The following KCNH7 variants were observed in gnomAD, a reference collection of about 807,000 sequenced individuals.
KCNH7 encodes the protein potassium voltage-gated channel subfamily H member 7.
In KCNH7, 49 loss-of-function variants were observed where a neutral mutation model predicts 120.8. That is an observed-to-expected ratio of 0.41 (90% CI 0.32 to 0.51). The LOEUF (loss-of-function observed/expected upper bound fraction) is 0.51, where lower values mean the gene tolerates loss of function less well. Among genes scored for constraint, KCNH7 ranks in the 20% least tolerant of loss-of-function variants. KCNH7 has a pLI of 0.38. For missense variants in KCNH7, 1,097 were observed against 1,446.6 expected (o/e 0.76, Z 3.92); for synonymous variants, 547 against 516.1 (o/e 1.06, Z -0.81).
At chr2:162,664,642 GA>G (rs1685074005) in intron 2 of KCNH7, among the ~76,000 whole-genome samples, 1 of 152,084 alleles carries the variant, frequency 6.6e-6, no homozygotes, top group African/African-American at 2.4e-5. Flanking sequence ...AAATATCGTA[GA>G]TTACAATAAT....
chr2:162,613,542 T>C lies in KCNH7; in HGVS notation c.308-76462A>G, dbSNP rs146531552. Among the ~76,000 whole-genome samples, 95 of 152,130 alleles carry C rather than the reference T, an allele frequency of 6.2e-4. No homozygotes were observed. In the East Asian group the frequency reaches 9.3e-3, roughly 15 times the overall value. The stretch of plus-strand genomic sequence containing the variant: ...AAGCTTTTCATCAAAATTTACACTT[T>C]AATTGTCATTATTTTTTGTTTCTAA... On this transcript the variant is annotated intron_variant, in intron 2 of 15. Coordinates refer to ENST00000332142, the MANE Select transcript of KCNH7 (RefSeq NM_033272.4).
chr2:162,490,387 T>C (rs1178243761), intron 6 of KCNH7, among the ~76,000 whole-genome samples: 3 of 152,188 alleles, frequency 2.0e-5, no homozygotes, highest in African/African-American at 4.8e-5. Context: ...TGCTGAGAGC[T>C]TTCCTTTCAC....
intron 6 of KCNH7, among the ~76,000 whole-genome samples, chr2:162,470,619 G>A (rs1689486366): frequency 6.6e-6 from 1 of 151,282 alleles, no homozygotes; most frequent in Admixed American, 6.6e-5. Context: ...CCGGGAGGGA[G>A]GTGGGGGGGT....
intron 6 of KCNH7, among the ~76,000 whole-genome samples, chr2:162,469,366 T>C (rs1689417884): frequency 1.3e-5 from 2 of 152,190 alleles, no homozygotes; most frequent in Admixed American, 1.3e-4. Context: ...AGAGATGTCC[T>C]TGAACTCAAG....
chr2:162,752,908 GAA>G (rs1372062656), intron 2 of KCNH7, among the ~76,000 whole-genome samples: 37 of 35,904 alleles, frequency 1.0e-3, no homozygotes, highest in African/African-American at 4.4e-3. Context: ...CTCAGAAAAA[GAA>G]AAGAAAAGAA....
chr2:162,677,349 A>G (rs1271698287), intron 2 of KCNH7, among the ~76,000 whole-genome samples: 3 of 151,506 alleles, frequency 2.0e-5, no homozygotes, highest in Admixed American at 1.3e-4. Context: ...CAAAATGAAT[A>G]TATCTATTTT....
chr2:162,450,755 G>C (rs189640481), intron 6 of KCNH7, among the ~76,000 whole-genome samples: 1 of 152,130 alleles, frequency 6.6e-6, no homozygotes, highest in East Asian at 1.9e-4. Context: ...AGGTGGCCAA[G>C]TTTGGTTTTT....
At chr2:162,608,100 TGTATGTTTACAAA>T (rs1159386408) in intron 2 of KCNH7, among the ~76,000 whole-genome samples, 4 of 152,176 alleles carry the variant, frequency 2.6e-5, no homozygotes, top group South Asian at 4.1e-4. Context: ...ACTTGGACTT[TGTATGTTTACAAA>T]GTATGTTTAC....
chr2:162,739,025 C>G (rs978439513), intron 2 of KCNH7, among the ~76,000 whole-genome samples: 1 of 152,172 alleles, frequency 6.6e-6, no homozygotes, highest in South Asian at 2.1e-4. Flanking sequence ...CTAATCACAA[C>G]CTGTGCGGGA....
At chr2:162,645,204 G>C (rs546940433) in intron 2 of KCNH7, among the ~76,000 whole-genome samples, 64 of 152,184 alleles carry the variant, frequency 4.2e-4, no homozygotes, top group African/African-American at 1.5e-3. Flanking sequence ...CTGGAGTGCA[G>C]TGGCGTGATC....
intron 3 of KCNH7, among the ~76,000 whole-genome samples, chr2:162,527,557 T>A (rs1022972632): frequency 6.6e-6 from 1 of 152,006 alleles, no homozygotes; most frequent in Non-Finnish European, 1.5e-5. Flanking sequence ...GTGTCAATTA[T>A]CTAGAGTATT....
intron 2 of KCNH7, among the ~76,000 whole-genome samples, chr2:162,718,495 A>C (rs1015106714): frequency 4.6e-5 from 7 of 152,034 alleles, no homozygotes; most frequent in Non-Finnish European, 1.0e-4. Flanking sequence ...AGCCCACTGT[A>C]GAGAACATGG....
At chr2:162,478,537 C>G (rs1469021296) in intron 6 of KCNH7, among the ~76,000 whole-genome samples, 1 of 152,126 alleles carries the variant, frequency 6.6e-6, no homozygotes, top group African/African-American at 2.4e-5. Flanking sequence ...TGTCTATAAT[C>G]TTATAGGCTA....
At chr2:162,780,554 C>T (rs1683439984) in intron 2 of KCNH7, among the ~76,000 whole-genome samples, 1 of 152,094 alleles carries the variant, frequency 6.6e-6, no homozygotes. Context: ...CAACCCAGTG[C>T]CCTACGTTTT....
At chr2:162,486,313 A>G (rs190275274) in intron 6 of KCNH7, among the ~76,000 whole-genome samples, 4 of 152,258 alleles carry the variant, frequency 2.6e-5, no homozygotes, top group Admixed American at 1.3e-4. Context: ...GTGGTAGGGG[A>G]TCAGCTTTAA....
chr2:162,769,019 A>G (rs1682936674), intron 2 of KCNH7: 1 of 152,208 alleles, frequency 6.6e-6, no homozygotes, highest in Non-Finnish European at 1.5e-5. Context: ...CCACTCTGAC[A>G]TGGAAAATAA....
At chr2:162,730,855 A>G (rs1485806357) in intron 2 of KCNH7, among the ~76,000 whole-genome samples, 3 of 152,138 alleles carry the variant, frequency 2.0e-5, no homozygotes, top group Non-Finnish European at 4.4e-5. Flanking sequence ...CTGGTTATCA[A>G]AATAAAGAAG....
rs528632755 is a variant in KCNH7, at chr2:162,580,337, G to C, written c.308-43257C>G. Among the ~76,000 whole-genome samples the C allele has an allele frequency of 5.9e-5, 9 of 152,168 alleles. No individual in the cohort carries two copies. In the East Asian group the frequency reaches 1.7e-3, roughly 30 times the overall value. On this transcript the variant is annotated intron_variant, in intron 2 of 15. Transcript: ENST00000332142. ...AGAGCCAGTACATATCCTTCAGGAA[G>C]ATATATTTTATGATTCATTTTGTAA... is the stretch of plus-strand genomic sequence containing the variant.
intron 2 of KCNH7, among the ~76,000 whole-genome samples, chr2:162,724,621 G>C (rs183436365): frequency 2.5e-3 from 370 of 146,250 alleles, no homozygotes; most frequent in African/African-American, 8.9e-3. Context: ...GCAGTGAGCC[G>C]AGATCGCGCC....
Sources: allele counts gnomAD v4.1 joint callset (sites outside exome capture counted in the v4.1 genomes callset), GRCh38; gene constraint gnomAD v4.1.1; transcripts MANE v1.5; gene names NCBI Gene and HGNC (gene_info 2026-07-23, HGNC 2026-07-21).